USP33: variants seen among roughly 807,000 people sequenced by gnomAD.
USP33 encodes ubiquitin specific peptidase 33, also known as ubiquitin carboxyl-terminal hydrolase 33.
In USP33, 46 loss-of-function variants were observed where a neutral mutation model predicts 124.2. The ratio of observed to expected loss-of-function variants is 0.37; its 90% CI spans 0.29 to 0.47. The LOEUF is 0.47. USP33 is among the 20% of genes least tolerant of loss of function. The pLI is 0.99. For synonymous variants in USP33, 350 were observed against 352.3 expected (o/e 0.99, Z 0.07); for missense variants, 851 against 1,070.6 (o/e 0.79, Z 2.86).
chr1:77,726,036 G>A (rs1677123033), intron 10 of USP33, among the ~76,000 whole-genome samples: 1 of 152,082 alleles, frequency 6.6e-6, no homozygotes, highest in African/African-American at 2.4e-5. Flanking sequence ...TGCAACCTCC[G>A]CATCCTGGAT....
At chr1:77,721,414 C>A (rs954435773) in intron 14 of USP33, 6 of 590,972 alleles carry the variant, frequency 1.0e-5, no homozygotes, top group Non-Finnish European at 1.8e-5. Context: ...CAAATAATAT[C>A]TTTTCCATTT....
intron 22 of USP33, 138 bp from the exon 23 acceptor site, chr1:77,698,069 T>A: frequency 6.3e-5 from 10 of 158,012 alleles, no homozygotes; most frequent in East Asian, 1.6e-4. Context: ...TAGTTAATTC[T>A]TTTTTTTTTT....
intron 1 of USP33, among the ~76,000 whole-genome samples, chr1:77,758,438 T>G (rs1234112196): frequency 6.6e-6 from 1 of 152,104 alleles, no homozygotes; most frequent in African/African-American, 2.4e-5. Flanking sequence ...CCTCCCAGAG[T>G]GCTGGGATTA....
chr1:77,707,717 G>C (rs937023240), intron 21 of USP33, among the ~76,000 whole-genome samples: 3 of 152,052 alleles, frequency 2.0e-5, no homozygotes, highest in African/African-American at 7.2e-5. Context: ...AACCAGCCAG[G>C]GTATTGGCTG....
intron 22 of USP33, among the ~76,000 whole-genome samples, chr1:77,699,176 A>C (rs574385411): frequency 1.3e-5 from 2 of 152,326 alleles, no homozygotes; most frequent in African/African-American, 4.8e-5. Flanking sequence ...ACACAAATCA[A>C]AACCACAATG....
intron 1 of USP33, among the ~76,000 whole-genome samples, chr1:77,743,074 C>T (rs907693561): frequency 6.6e-6 from 1 of 152,060 alleles, no homozygotes; most frequent in Admixed American, 6.6e-5. Flanking sequence ...TCCCGAGTAG[C>T]TGGGATTACA....
intron 1 of USP33, among the ~76,000 whole-genome samples, chr1:77,744,284 C>A (rs555039771): frequency 6.6e-5 from 10 of 152,064 alleles, no homozygotes; most frequent in Non-Finnish European, 1.2e-4. Context: ...AAATGACAGG[C>A]ATTCTAAGAA....
intron 5 of USP33, 22 bp downstream of exon 5, chr1:77,739,243 C>G: frequency 6.3e-7 from 1 of 1,590,548 alleles, no homozygotes; most frequent in Non-Finnish European, 8.5e-7. Flanking sequence ...TACAGCTTAA[C>G]TAAGTGGATC....
At chr1:77,749,595 T>C (rs1680093648) in intron 1 of USP33, among the ~76,000 whole-genome samples, 1 of 152,152 alleles carries the variant, frequency 6.6e-6, no homozygotes, top group African/African-American at 2.4e-5. Flanking sequence ...TTGGCCAGGC[T>C]GATCTCAAAC....
At chr1:77,727,652 T>C (rs1267321945) in intron 10 of USP33, among the ~76,000 whole-genome samples, 1 of 152,236 alleles carries the variant, frequency 6.6e-6, no homozygotes, top group African/African-American at 2.4e-5. Context: ...TTTTTTACAT[T>C]ACATGTCTGC....
intron 21 of USP33, among the ~76,000 whole-genome samples, chr1:77,707,035 A>G (rs1443250609): frequency 6.6e-6 from 1 of 152,196 alleles, no homozygotes; most frequent in Admixed American, 6.6e-5. Context: ...AGGAGGTTAC[A>G]GTACTGGCTG....
chr1:77,734,408 C>T lies in USP33; in HGVS notation c.463G>A (p.Gly155Ser). Residue 155 changes from glycine to serine, a missense_variant, in exon 7 of 24, where the codon GGT (glycine) becomes AGT (serine). By Grantham distance (56) the Gly-to-Ser change is moderately conservative. Coordinates refer to ENST00000370794, the MANE Select transcript of USP33 (RefSeq NM_201624.3). ...CAAGTATTTCCAATATTTTTCAAAC[C>T]TGTAAGACCTATTAAGAAAAAATAT... ...EDELRARGLT[G>S]LKNIGNTCYM... The T allele has an allele frequency of 6.3e-7, 1 of 1,589,766 alleles. No homozygotes were observed. Among genetic ancestry groups the T allele is most frequent in the South Asian group, 1.2e-5 (1 of 86,000 alleles).
chr1:77,746,306 C>G (rs1026813015), intron 1 of USP33: 1 of 152,194 alleles, frequency 6.6e-6, no homozygotes, highest in Non-Finnish European at 1.5e-5. Flanking sequence ...TTCCTGGACA[C>G]ATACACCCTC....
intron 17 of USP33, among the ~76,000 whole-genome samples, chr1:77,716,610 A>C (rs887021886): frequency 1.3e-5 from 2 of 152,178 alleles, no homozygotes; most frequent in African/African-American, 4.8e-5. Flanking sequence ...AGTAGAAAGC[A>C]ATTAAGAACC....
chr1:77,740,124 C>T (rs1309784691), intron 4 of USP33, among the ~76,000 whole-genome samples: 1 of 152,092 alleles, frequency 6.6e-6, no homozygotes, highest in Non-Finnish European at 1.5e-5. Flanking sequence ...AATGGGAGCT[C>T]TACATAACAC....
At chr1:77,729,640 C>T (rs1314430563) in intron 9 of USP33, among the ~76,000 whole-genome samples, 1 of 151,880 alleles carries the variant, frequency 6.6e-6, no homozygotes, top group Non-Finnish European at 1.5e-5. Context: ...CACTGCACTC[C>T]AGCCTGGGCG....
intron 21 of USP33, among the ~76,000 whole-genome samples, chr1:77,706,585 C>A (rs1674655903): frequency 6.6e-6 from 1 of 152,134 alleles, no homozygotes; most frequent in African/African-American, 2.4e-5. Flanking sequence ...TGGCTCTGAC[C>A]ATGGAAGTCA....
In USP33 at chr1:77,697,289, C is replaced by T; in HGVS notation, c.*28G>A. On this transcript the variant is annotated 3_prime_UTR_variant, in exon 24 of 24. Transcript: ENST00000370794. ...ATGTCAGGGCACATGAAAATGATTC[C>T]TCATTAGAACTCTCTACATCCTAAA... The T allele has an allele frequency of 1.9e-6, 3 of 1,551,532 alleles. No individual in the cohort carries two copies. Among genetic ancestry groups the T allele is most frequent in the Admixed American group, 2.1e-5 (1 of 47,938 alleles).
chr1:77,720,988 T>TA (rs1676503585), intron 15 of USP33, among the ~76,000 whole-genome samples, 184 bp downstream of exon 15: 1 of 152,204 alleles, frequency 6.6e-6, no homozygotes, highest in Non-Finnish European at 1.5e-5. Context: ...ATAAGCCTAT[T>TA]AAATTTGTCA....
Sources: allele counts gnomAD v4.1 joint callset (sites outside exome capture counted in the v4.1 genomes callset), GRCh38; gene constraint gnomAD v4.1.1; transcripts MANE v1.5; gene names NCBI Gene and HGNC (gene_info 2026-07-23, HGNC 2026-07-21).